Variants in OR51B2 observed in about 807,000 individuals in gnomAD.
OR51B2 encodes olfactory receptor family 51 subfamily B member 2.
For missense variants in OR51B2, 463 were observed against 380.1 expected (o/e 1.22, Z -1.81); for synonymous variants, 158 against 135.3 (o/e 1.17, Z -1.16).
chr11:5,323,695 G>C lies in OR51B2; in HGVS notation c.603C>G (p.Ile201Met), dbSNP rs551907020. Residue 201 changes from isoleucine (I) to methionine (M), a missense_variant, in exon 1 of 1, where the codon ATC becomes ATG. Physicochemically the swap from Ile to Met is conservative, Grantham distance 10 (BLOSUM62 1). Coordinates refer to ENST00000624187, the MANE Select transcript of OR51B2 (RefSeq NM_033180.5). ...TFNRLYPVILISLTIFLDCLI... is the reference protein window; with the variant it reads ...TFNRLYPVILMSLTIFLDCLI... Reference sequence around the variant, plus strand: ...GACAGTCTAGGAAGATTGTTAAAGAGATCAAAATTACAGGGTAAAGTCTAT... The same window carrying C: ...GACAGTCTAGGAAGATTGTTAAAGACATCAAAATTACAGGGTAAAGTCTAT... The C allele has an allele frequency of 3.1e-6, 5 of 1,613,074 alleles. No homozygotes were observed. The highest frequency in any genetic ancestry group is 4.2e-6 in the Non-Finnish European group (5 of 1,179,572).
chr11:5,323,698 C>T lies in OR51B2; in HGVS notation c.600G>A (p.Leu200=), dbSNP rs142847491. 34 of 1,612,158 alleles carry T rather than the reference C, an allele frequency of 2.1e-5. No individual in the cohort carries two copies. The African/African-American group carries it at 4.0e-4, about 19-fold the overall frequency. The stretch of plus-strand genomic sequence containing the variant: ...AGTCTAGGAAGATTGTTAAAGAGAT[C>T]AAAATTACAGGGTAAAGTCTATTGA... ...ITFNRLYPVI[L]ISLTIFLDCL... Residue 200 remains leucine, a synonymous_variant, in exon 1 of 1, where the codon TTG becomes TTA. Transcript: ENST00000624187.
At position 5,323,476 on chromosome 11, in the gene OR51B2, C is replaced by G. The variant is rs751986402; in HGVS notation, c.822G>C (p.Met274Ile). 1 of 1,613,528 alleles carries G rather than the reference C, an allele frequency of 6.2e-7. No homozygotes were observed. ...KNVPEVVHII[M>I]SYIYFLFPPL... ...GAGGAAAGAGGAAGTAGATGTAACT[C>G]ATGATAATGTGGACAACCTCTGGCA... Residue 274 changes from methionine (M) to isoleucine (I), a missense_variant, in exon 1 of 1, where the codon ATG becomes ATC. By Grantham distance (10) the Met-to-Ile change is conservative. Transcript: ENST00000624187.
In OR51B2 at chr11:5,323,849, C is replaced by A; in HGVS notation, c.449G>T (p.Gly150Val). 6.2e-7 allele frequency: 1 copy of A among 1,613,878 alleles called. No individual in the cohort carries two copies. Among genetic ancestry groups the A allele is most frequent in the South Asian group, 1.1e-5 (1 of 91,060 alleles). ...AATTACAGGCAGGATGGATACAAAA[C>A]CCCTTAGAAACACTCCCACTCCTAA... ...IALGVGVFLR[G>V]FVSILPVILR... Residue 150 changes from glycine (G) to valine (V), a missense_variant, in exon 1 of 1, where the codon GGT becomes GTT. Gly to Val is a moderately radical substitution (Grantham distance 109). Coordinates refer to ENST00000624187, the MANE Select transcript of OR51B2 (RefSeq NM_033180.5).
rs750420590 is a variant in OR51B2, at chr11:5,323,907, C to T, written c.391G>A (p.Ala131Thr). 3 of 1,613,810 alleles carry T rather than the reference C, an allele frequency of 1.9e-6. No individual in the cohort carries two copies. Among genetic ancestry groups the T allele is most frequent in the African/African-American group, 1.3e-5 (1 of 74,876 alleles). ...ACTCTAGTATTGGTGAGAATGGAAG[C>T]ATATCTCAAAGGATTGCGGATGGCA... ...FIAIRNPLRYASILTNTRVIA... is the reference protein window; with the variant it reads ...FIAIRNPLRYTSILTNTRVIA... The change falls in exon 1 of 1, where the codon GCT becomes ACT. Residue 131 changes from alanine to threonine, a missense_variant. Coordinates refer to ENST00000624187, the MANE Select transcript of OR51B2 (RefSeq NM_033180.5).
Position 5,323,779 on chromosome 11 carries a change from T to A in OR51B2, c.519A>T (p.Thr173=), listed in dbSNP as rs1226802224. Residue 173 remains threonine (T), a synonymous_variant, in exon 1 of 1, where the codon ACA becomes ACT. Coordinates refer to ENST00000624187, the MANE Select transcript of OR51B2 (RefSeq NM_033180.5). ...TTTCTTGGTGGAGGCAGAAAGCACG[T>A]GTGATAACATGAGATTTGCAATATG... is the stretch of plus-strand genomic sequence containing the variant. ...SFSYCKSHVI[T]RAFCLHQEIM... 6.2e-7 allele frequency: 1 copy of A among 1,613,656 alleles called. No individual in the cohort carries two copies. The highest frequency in any genetic ancestry group is 1.1e-5 in the South Asian group (1 of 91,028).
At position 5,324,271 on chromosome 11, in the gene OR51B2, AG is replaced by A; in HGVS notation, c.26del (p.Pro9LeufsTer4). 1 of 1,613,000 alleles carries A rather than the reference AG, an allele frequency of 6.2e-7. No homozygotes were observed. The highest frequency in any genetic ancestry group is 2.2e-5 in the East Asian group (1 of 44,860). On this transcript the variant is annotated frameshift_variant, in exon 1 of 1. Transcript: ENST00000624187. LOFTEE classifies it low-confidence loss of function (END_TRUNC). ...GCCCTGGAAAGCCAGTCAGCAAAAAAGGGGCTGCAGTAATATTGGGCCACAT... is the reference window on the plus strand; with the variant it reads ...GCCCTGGAAAGCCAGTCAGCAAAAAAGGGCTGCAGTAATATTGGGCCACAT... The part of the protein sequence containing the change: MWPNITAA[P>X]FLLTGFPGLE...
chr11:5,323,774 G>A lies in OR51B2; in HGVS notation c.524C>T (p.Ala175Val). ...CATGATTTCTTGGTGGAGGCAGAAA[G>A]CACGTGTGATAACATGAGATTTGCA... ...SYCKSHVITR[A>V]FCLHQEIMRL... The change falls in exon 1 of 1, where the codon GCT (alanine) becomes GTT (valine). Residue 175 changes from alanine to valine, a missense_variant. Transcript: ENST00000624187. 1 of 1,613,906 alleles carries A rather than the reference G, an allele frequency of 6.2e-7. No homozygotes were observed. Among genetic ancestry groups the A allele is most frequent in the South Asian group, 1.1e-5 (1 of 91,056 alleles).
chr11:5,323,948 G>A lies in OR51B2; in HGVS notation c.350C>T (p.Ala117Val), dbSNP rs1848706360. 4 of 1,613,928 alleles carry A rather than the reference G, an allele frequency of 2.5e-6. No homozygotes were observed. Among genetic ancestry groups the A allele is most frequent in the Non-Finnish European group, 3.4e-6 (4 of 1,179,936 alleles). ...VVESGSLLAM[A>V]YDCFIAIRNP... ...GCGGATGGCAATGAAACAATCATATGCCATTGCCAGGAGGGAACCTGATTC... is the reference window on the plus strand; with the variant it reads ...GCGGATGGCAATGAAACAATCATATACCATTGCCAGGAGGGAACCTGATTC... The change falls in exon 1 of 1, where the codon GCA (alanine) becomes GTA (valine). Residue 117 changes from alanine to valine, a missense_variant. Coordinates refer to ENST00000624187, the MANE Select transcript of OR51B2 (RefSeq NM_033180.5).
At position 5,323,794 on chromosome 11, in the gene OR51B2, T is replaced by A. The variant is rs778070865; in HGVS notation, c.504A>T (p.Lys168Asn). The A allele has an allele frequency of 4.3e-6, 7 of 1,613,756 alleles. No homozygotes were observed. Among genetic ancestry groups the A allele is most frequent in the Non-Finnish European group, 5.9e-6 (7 of 1,179,928 alleles). Residue 168 changes from lysine to asparagine, a missense_variant, in exon 1 of 1, where the codon AAA becomes AAT. Lys to Asn is a moderately conservative substitution (Grantham distance 94). Coordinates refer to ENST00000624187, the MANE Select transcript of OR51B2 (RefSeq NM_033180.5). ...ILRLFSFSYC[K>N]SHVITRAFCL... Reference sequence around the variant, plus strand: ...AGAAAGCACGTGTGATAACATGAGATTTGCAATATGAAAATGAAAAAAGAC... The same window carrying A: ...AGAAAGCACGTGTGATAACATGAGAATTGCAATATGAAAATGAAAAAAGAC...
In OR51B2 at chr11:5,323,918, G is replaced by C; in HGVS notation, c.380C>G (p.Pro127Arg). Reference sequence around the variant, plus strand: ...GGTGAGAATGGAAGCATATCTCAAAGGATTGCGGATGGCAATGAAACAATC... The same window carrying C: ...GGTGAGAATGGAAGCATATCTCAAACGATTGCGGATGGCAATGAAACAATC... ...AYDCFIAIRN[P>R]LRYASILTNT... is the part of the protein sequence containing the mutation. Residue 127 changes from proline to arginine, a missense_variant, in exon 1 of 1, where the codon CCT (proline) becomes CGT (arginine). Pro to Arg is a moderately radical substitution (Grantham distance 103). Coordinates refer to ENST00000624187, the MANE Select transcript of OR51B2 (RefSeq NM_033180.5). 1 of 1,613,982 alleles carries C rather than the reference G, an allele frequency of 6.2e-7. No homozygotes were observed. The highest frequency in any genetic ancestry group is 8.5e-7 in the Non-Finnish European group (1 of 1,179,952).
In OR51B2 at chr11:5,324,266, A is replaced by G. The variant is rs1264183542; in HGVS notation, c.32T>C (p.Leu11Ser). Residue 11 changes from leucine (L) to serine (S), a missense_variant, in exon 1 of 1, where the codon TTG (leucine) becomes TCG (serine). By Grantham distance (145) the Leu-to-Ser change is moderately radical. Coordinates refer to ENST00000624187, the MANE Select transcript of OR51B2 (RefSeq NM_033180.5). The part of the protein sequence containing the change: MWPNITAAPF[L>S]LTGFPGLEAA... ...CTCCAGCCCTGGAAAGCCAGTCAGC[A>G]AAAAAGGGGCTGCAGTAATATTGGG... 1 of 1,611,078 alleles carries G rather than the reference A, an allele frequency of 6.2e-7. No homozygotes were observed. The highest frequency in any genetic ancestry group is 1.7e-5 in the Admixed American group (1 of 59,862).
rs1018518740 is a variant in OR51B2 at position 5,323,580 on chromosome 11, T to C, written c.718A>G (p.Ile240Val). Residue 240 changes from isoleucine to valine, a missense_variant, in exon 1 of 1, where the codon ATC becomes GTC. Transcript: ENST00000624187. ...EERAKALNTCISHISCVLIFY... is the reference protein window; with the variant it reads ...EERAKALNTCVSHISCVLIFY... ...ATAAGAACACAACTAATGTGGGAGA[T>C]ACAGGTATTGAGGGCTTTGGCTCTC... The C allele has an allele frequency of 6.2e-7, 1 of 1,613,228 alleles. No homozygotes were observed. Among genetic ancestry groups the C allele is most frequent in the Non-Finnish European group, 8.5e-7 (1 of 1,179,246 alleles).
rs778916955 is a variant in OR51B2, at chr11:5,323,788, A to G, written c.510T>C (p.His170=). ...RLFSFSYCKS[H]VITRAFCLHQ... ...GGAGGCAGAAAGCACGTGTGATAAC[A>G]TGAGATTTGCAATATGAAAATGAAA... The change falls in exon 1 of 1, where the codon CAT becomes CAC. Residue 170 remains histidine (H), a synonymous_variant. Transcript: ENST00000624187. The G allele has an allele frequency of 6.2e-7, 1 of 1,614,060 alleles. No individual in the cohort carries two copies. The highest frequency in any genetic ancestry group is 1.7e-5 in the Admixed American group (1 of 59,974).
chr11:5,323,470 G>T lies in OR51B2; in HGVS notation c.828C>A (p.Tyr276Ter), dbSNP rs766766897. 3 of 1,613,216 alleles carry T rather than the reference G, an allele frequency of 1.9e-6. No individual in the cohort carries two copies. In the Admixed American group the frequency reaches 5.0e-5, roughly 27 times the overall value. ...TTAAAGGAGGAAAGAGGAAGTAGATGTAACTCATGATAATGTGGACAACCT... is the reference window on the plus strand; with the variant it reads ...TTAAAGGAGGAAAGAGGAAGTAGATTTAACTCATGATAATGTGGACAACCT... ...VPEVVHIIMSYIYFLFPPLMN... is the reference protein window; with the variant it reads ...VPEVVHIIMS Residue 276 changes from tyrosine to a stop codon, truncating the protein, a stop_gained, in exon 1 of 1, where the codon TAC becomes TAA. Transcript: ENST00000624187. LOFTEE classifies it low-confidence loss of function (END_TRUNC).
chr11:5,323,674 G>C lies in OR51B2; in HGVS notation c.624C>G (p.Asp208Glu). Reference protein sequence around the residue: ...VILISLTIFLDCLIILFSYIL... With the variant: ...VILISLTIFLECLIILFSYIL... ...TATAGGAGAAGAGGATGATCAGACA[G>C]TCTAGGAAGATTGTTAAAGAGATCA... Residue 208 changes from aspartate to glutamate, a missense_variant, in exon 1 of 1, where the codon GAC becomes GAG. Transcript: ENST00000624187. 2 of 1,612,682 alleles carry C rather than the reference G, an allele frequency of 1.2e-6. No individual in the cohort carries two copies. Among genetic ancestry groups the C allele is most frequent in the Non-Finnish European group, 8.5e-7 (1 of 1,178,956 alleles).
Position 5,324,056 on chromosome 11 carries a change from C to T in OR51B2, c.242G>A (p.Gly81Asp). 6.2e-7 allele frequency: 1 copy of T among 1,613,840 alleles called. No individual in the cohort carries two copies. The highest frequency in any genetic ancestry group is 2.2e-5 in the East Asian group (1 of 44,852). The change falls in exon 1 of 1, where the codon GGC (glycine) becomes GAC (aspartate). Residue 81 changes from glycine (G) to aspartate (D), a missense_variant. Physicochemically the swap from Gly to Asp is moderately conservative, Grantham distance 94 (BLOSUM62 -1). Transcript: ENST00000624187. ...CTCCCTGTGATTCACCCATAGGATG[C>T]CCATTACAGTAGGCATCGTGGTCAA... ...VTLTTMPTVMGILWVNHREIS... is the reference protein window; with the variant it reads ...VTLTTMPTVMDILWVNHREIS...
Position 5,323,573 on chromosome 11 carries a change from TG to T in OR51B2, c.724del (p.His242ThrfsTer12), listed in dbSNP as rs1564906322. The T allele has an allele frequency of 5.6e-6, 9 of 1,613,260 alleles. No individual in the cohort carries two copies. The highest frequency in any genetic ancestry group is 6.8e-6 in the Non-Finnish European group (8 of 1,179,330). On this transcript the variant is annotated frameshift_variant, in exon 1 of 1. Transcript: ENST00000624187. LOFTEE classifies it low-confidence loss of function (END_TRUNC). ...ATAGAAGATAAGAACACAACTAATG[TG>T]GGAGATACAGGTATTGAGGGCTTTG... The part of the protein sequence containing the change: ...RAKALNTCIS[H>X]ISCVLIFYVT...
At position 5,323,709 on chromosome 11, in the gene OR51B2, G is replaced by A. The variant is rs772461820; in HGVS notation, c.589C>T (p.Pro197Ser). ...ATTGTTAAAGAGATCAAAATTACAG[G>A]GTAAAGTCTATTGAAAGTTATGTCA... ...CADITFNRLY[P>S]VILISLTIFL... is the part of the protein sequence containing the mutation. The change falls in exon 1 of 1, where the codon CCT becomes TCT. Residue 197 changes from proline (P) to serine (S), a missense_variant. Coordinates refer to ENST00000624187, the MANE Select transcript of OR51B2 (RefSeq NM_033180.5). 4 of 1,613,010 alleles carry A rather than the reference G, an allele frequency of 2.5e-6. No homozygotes were observed. The highest frequency in any genetic ancestry group is 2.2e-5 in the East Asian group (1 of 44,854).
At position 5,324,241 on chromosome 11, in the gene OR51B2, C is replaced by T. The variant is rs1848710942; in HGVS notation, c.57G>A (p.Glu19=). The part of the protein sequence containing the change: ...PFLLTGFPGL[E]AAHHWISIPF... ...GGATGGAGATCCAGTGATGAGCTGCCTCCAGCCCTGGAAAGCCAGTCAGCA... is the reference window on the plus strand; with the variant it reads ...GGATGGAGATCCAGTGATGAGCTGCTTCCAGCCCTGGAAAGCCAGTCAGCA... Residue 19 remains glutamate, a synonymous_variant, in exon 1 of 1, where the codon GAG becomes GAA. Transcript: ENST00000624187. 6.2e-7 allele frequency: 1 copy of T among 1,613,782 alleles called. No individual in the cohort carries two copies. Among genetic ancestry groups the T allele is most frequent in the African/African-American group, 1.3e-5 (1 of 74,906 alleles).
Sources: allele counts gnomAD v4.1 joint callset, GRCh38; gene constraint gnomAD v4.1.1; transcripts MANE v1.5; gene names NCBI Gene and HGNC (gene_info 2026-07-23, HGNC 2026-07-21).